Variants in ARPC5L observed in about 807,000 individuals in gnomAD.
ARPC5L encodes the protein actin-related protein 2/3 complex subunit 5-like protein.
A neutral mutation model predicts 16.9 loss-of-function variants in ARPC5L; 4 were observed. The observed-to-expected ratio is 0.24, with a 90% CI of 0.12 to 0.54. The LOEUF is 0.54. Ranked by LOEUF, ARPC5L falls within the 20% of genes least tolerant of loss-of-function variation. The probability of loss-of-function intolerance (pLI) is 0.95; values close to 1 mark genes in which losing one functional copy is unlikely to be tolerated. For missense variants in ARPC5L, 151 were observed against 201.9 expected (o/e 0.75, Z 1.53); for synonymous variants, 78 against 82.6 (o/e 0.94, Z 0.30).
intron 3 of ARPC5L, 21 bp from the exon 4 acceptor site, chr9:124,873,671 C>T: frequency 1.2e-6 from 2 of 1,614,082 alleles, no homozygotes; most frequent in Non-Finnish European, 1.7e-6. Context: ...GCCTAGCTAT[C>T]CTTAACTGGT....
chr9:124,866,492 T>C (rs1363077378), intron 2 of ARPC5L, among the ~76,000 whole-genome samples: 1 of 150,852 alleles, frequency 6.6e-6, no homozygotes, highest in African/African-American at 2.4e-5. Context: ...GAGGCCGAGG[T>C]GGGCAGATCA....
In ARPC5L at chr9:124,869,139, G is replaced by GGGC. The variant is rs1422946192; in HGVS notation, c.-142_-140dup. 1.2e-5 allele frequency: 11 copies of GGGC among 932,360 alleles called. No homozygotes were observed. Among genetic ancestry groups the GGGC allele is most frequent in the Admixed American group, 8.8e-5 (2 of 22,748 alleles). 57.8% of individuals were successfully genotyped at this position (932,360 alleles called of 1,614,324 possible). A position where few individuals can be genotyped will look rare whatever the true frequency, so the allele number is the denominator to read the frequency against. ...GATCCGGCGGGTGCCGGAAGTGGGC[G>GGGC]GGCGGCGGCGGCTGCGCGCGGAGGC... On this transcript the variant is annotated 5_prime_UTR_variant, in exon 3 of 6. Transcript: ENST00000353214.
At chr9:124,862,552 CA>C (rs765323504) in intron 1 of ARPC5L, among the ~76,000 whole-genome samples, 154 bp downstream of exon 1, 67 of 149,856 alleles carry the variant, frequency 4.5e-4, no homozygotes, top group Non-Finnish European at 8.3e-4. Context: ...TTCTGTCGCC[CA>C]GGGTGCCAGG....
intron 2 of ARPC5L, among the ~76,000 whole-genome samples, chr9:124,867,120 G>A (rs902029548): frequency 2.0e-5 from 3 of 149,424 alleles, no homozygotes; most frequent in Non-Finnish European, 4.4e-5. Context: ...TCTCTGTCTA[G>A]TGTCACCTCC....
At chr9:124,870,409 C>A (rs927629353) in intron 3 of ARPC5L, among the ~76,000 whole-genome samples, 2 of 151,990 alleles carry the variant, frequency 1.3e-5, no homozygotes, top group African/African-American at 2.4e-5. Flanking sequence ...GTCCCCTCCC[C>A]CCGCACGGGT....
At chr9:124,872,042 C>T (rs1156670478) in intron 3 of ARPC5L, among the ~76,000 whole-genome samples, 1 of 152,206 alleles carries the variant, frequency 6.6e-6, no homozygotes, top group Non-Finnish European at 1.5e-5. Flanking sequence ...GAGGTCCTCC[C>T]TGCGCCCCAC....
At chr9:124,866,752 C>G (rs1564310741) in intron 2 of ARPC5L, among the ~76,000 whole-genome samples, 1 of 152,110 alleles carries the variant, frequency 6.6e-6, no homozygotes, top group African/African-American at 2.4e-5. Flanking sequence ...CCAGCTTGTT[C>G]CCACCATCCT....
intron 3 of ARPC5L, among the ~76,000 whole-genome samples, chr9:124,872,321 G>A (rs1829371768): frequency 6.6e-6 from 1 of 152,128 alleles, no homozygotes; most frequent in African/African-American, 2.4e-5. Context: ...AGGGCTGGGC[G>A]CGGTGGCTCA....
rs1005607520 is a variant in ARPC5L at position 124,862,287 on chromosome 9, G to A, written c.-1095G>A. On this transcript the variant is annotated 5_prime_UTR_variant, in exon 1 of 6. Coordinates refer to ENST00000353214, the MANE Select transcript of ARPC5L (RefSeq NM_030978.3). ...TTCATTCATTCCTTCGGGAAACCTT[G>A]CAGATCTCCCAATCTGGGCAACTCT... is the stretch of plus-strand genomic sequence containing the variant. 5 of 226,682 alleles carry A rather than the reference G, an allele frequency of 2.2e-5. No individual in the cohort carries two copies. The South Asian group carries it at 5.3e-4, about 24-fold the overall frequency. The allele number at this position is 226,682 out of a possible 1,614,324, so 14.0% of individuals were successfully genotyped here.
chr9:124,877,185 A>AC lies in ARPC5L; in HGVS notation c.*247dup. 2.1e-6 allele frequency: 1 copy of AC among 468,550 alleles called. No homozygotes were observed. Among genetic ancestry groups the AC allele is most frequent in the Non-Finnish European group, 3.8e-6 (1 of 264,128 alleles). 29.0% of individuals were successfully genotyped at this position (468,550 alleles called of 1,614,324 possible). A position where few individuals can be genotyped will look rare whatever the true frequency, so the allele number is the denominator to read the frequency against. ...TGCAGAACTGACATTTTGACGGTCTACCAGCGTGGCGGCTGGTGTTGGTCA... is the reference window on the plus strand; with the variant it reads ...TGCAGAACTGACATTTTGACGGTCTACCCAGCGTGGCGGCTGGTGTTGGTCA... On this transcript the variant is annotated 3_prime_UTR_variant, in exon 6 of 6. Transcript: ENST00000353214.
Position 124,877,009 on chromosome 9 carries a change from A to G in ARPC5L, c.*69A>G. 2.4e-6 allele frequency: 3 copies of G among 1,230,520 alleles called. No homozygotes were observed. The highest frequency in any genetic ancestry group is 3.5e-6 in the Non-Finnish European group (3 of 864,254). 76.2% of individuals were successfully genotyped at this position (1,230,520 alleles called of 1,614,324 possible). A position where few individuals can be genotyped will look rare whatever the true frequency, so the allele number is the denominator to read the frequency against. On this transcript the variant is annotated 3_prime_UTR_variant, in exon 6 of 6. Transcript: ENST00000353214. ...GCCCAGGCTGGTGAAGAAGGGATTGACAATGGACCATCTTCCTAGGAACTC... is the reference window on the plus strand; with the variant it reads ...GCCCAGGCTGGTGAAGAAGGGATTGGCAATGGACCATCTTCCTAGGAACTC...
chr9:124,867,772 A>G (rs1212589088), intron 2 of ARPC5L, among the ~76,000 whole-genome samples: 1 of 148,384 alleles, frequency 6.7e-6, no homozygotes, highest in African/African-American at 2.5e-5. Flanking sequence ...TGGGCTTTGC[A>G]TGTTTCCAGG....
Position 124,873,682 on chromosome 9 carries a change from G to A in ARPC5L, c.150-10G>A. On this transcript the variant is annotated splice_polypyrimidine_tract_variant and intron_variant, in intron 3 of 5. Coordinates refer to ENST00000353214, the MANE Select transcript of ARPC5L (RefSeq NM_030978.3). The stretch of plus-strand genomic sequence containing the variant: ...TTGAGCCTAGCTATCCTTAACTGGT[G>A]GTGATGCACAGGGGACATGCTTCGG... The A allele has an allele frequency of 6.2e-7, 1 of 1,614,172 alleles. No individual in the cohort carries two copies. The highest frequency in any genetic ancestry group is 8.5e-7 in the Non-Finnish European group (1 of 1,179,994).
At position 124,877,032 on chromosome 9, in the gene ARPC5L, C is replaced by A; in HGVS notation, c.*92C>A. ...TGACAATGGACCATCTTCCTAGGAACTCCCAAGTAAACTATTTCAGGACAT... is the reference window on the plus strand; with the variant it reads ...TGACAATGGACCATCTTCCTAGGAAATCCCAAGTAAACTATTTCAGGACAT... On this transcript the variant is annotated 3_prime_UTR_variant, in exon 6 of 6. Transcript: ENST00000353214. 1.0e-6 allele frequency: 1 copy of A among 977,100 alleles called. No homozygotes were observed. The highest frequency in any genetic ancestry group is 2.5e-4 in the Middle Eastern group (1 of 4,064). 60.5% of individuals were successfully genotyped at this position (977,100 alleles called of 1,614,324 possible). A position where few individuals can be genotyped will look rare whatever the true frequency, so the allele number is the denominator to read the frequency against.
rs1288028536 is a variant in ARPC5L at position 124,877,234 on chromosome 9, A to G, written c.*294A>G. 5 of 346,324 alleles carry G rather than the reference A, an allele frequency of 1.4e-5. No homozygotes were observed. The highest frequency in any genetic ancestry group is 8.7e-5 in the African/African-American group (4 of 45,764). 21.5% of individuals were successfully genotyped at this position (346,324 alleles called of 1,614,324 possible). A position where few individuals can be genotyped will look rare whatever the true frequency, so the allele number is the denominator to read the frequency against. ...CAGATGCACCTGTGTGCACTGGGGG[A>G]GGGATGGTTTGGGCAGGTGCAGATC... On this transcript the variant is annotated 3_prime_UTR_variant, in exon 6 of 6. Coordinates refer to ENST00000353214, the MANE Select transcript of ARPC5L (RefSeq NM_030978.3).
chr9:124,870,236 G>GA (rs1294870060), intron 3 of ARPC5L, among the ~76,000 whole-genome samples: 1 of 152,182 alleles, frequency 6.6e-6, no homozygotes, highest in Non-Finnish European at 1.5e-5. Flanking sequence ...CCCACGCCTG[G>GA]AAATGACTGT....
chr9:124,869,195 G>A lies in ARPC5L; in HGVS notation c.-96G>A. 7.6e-7 allele frequency: 1 copy of A among 1,308,278 alleles called. No individual in the cohort carries two copies. Among genetic ancestry groups the A allele is most frequent in the Non-Finnish European group, 9.9e-7 (1 of 1,014,884 alleles). 81.0% of individuals were successfully genotyped at this position (1,308,278 alleles called of 1,614,324 possible). A position where few individuals can be genotyped will look rare whatever the true frequency, so the allele number is the denominator to read the frequency against. ...AGGAGGTGCTGGGAGCAGCCGGGCAGCCGCTTCCCGCCCCCGAGCAGGAGC... is the reference window on the plus strand; with the variant it reads ...AGGAGGTGCTGGGAGCAGCCGGGCAACCGCTTCCCGCCCCCGAGCAGGAGC... On this transcript the variant is annotated 5_prime_UTR_variant, in exon 3 of 6. Transcript: ENST00000353214.
intron 5 of ARPC5L, 151 bp downstream of exon 5, chr9:124,875,302 C>T: frequency 1.1e-6 from 1 of 931,594 alleles, no homozygotes; most frequent in Non-Finnish European, 1.6e-6. Flanking sequence ...TCATCACTTC[C>T]CTCTCCCAAG....
chr9:124,876,641 CT>C (rs1829441615), intron 5 of ARPC5L, among the ~76,000 whole-genome samples: 2 of 152,124 alleles, frequency 1.3e-5, no homozygotes, highest in South Asian at 4.1e-4. Flanking sequence ...GAGGGCTCTG[CT>C]TTGTGTGCTG....
Sources: allele counts gnomAD v4.1 joint callset (sites outside exome capture counted in the v4.1 genomes callset), GRCh38; gene constraint gnomAD v4.1.1; transcripts MANE v1.5; gene names NCBI Gene and HGNC (gene_info 2026-07-23, HGNC 2026-07-21).